FRMD4B: variants seen among roughly 807,000 people sequenced by gnomAD.
The protein encoded by FRMD4B is FERM domain-containing protein 4B.
A neutral mutation model predicts 141.5 loss-of-function variants in FRMD4B; 74 were observed. The observed-to-expected ratio is 0.52, with a 90% confidence interval of 0.43 to 0.63. The LOEUF (loss-of-function observed/expected upper bound fraction) is 0.63, where lower values mean the gene tolerates loss of function less well. FRMD4B is among the 30% of genes least tolerant of loss of function. FRMD4B has a pLI of 0.00. For missense variants in FRMD4B, 1,366 were observed against 1,253.4 expected, an observed-to-expected ratio of 1.09 and a Z score of -1.36; for synonymous variants, 506 against 467.9, an observed-to-expected ratio of 1.08 and a Z score of -1.05.
intron 1 of FRMD4B, among the ~76,000 whole-genome samples, chr3:69,316,923 G>A (rs1701819951): frequency 1.3e-5 from 2 of 152,064 alleles, no homozygotes; most frequent in African/African-American, 4.8e-5. Context: ...GGAGTTCAAG[G>A]CCAGCCTGGC....
intron 5 of FRMD4B, among the ~76,000 whole-genome samples, chr3:69,268,519 C>T (rs2093578752): frequency 2.0e-5 from 3 of 152,014 alleles, no homozygotes; most frequent in South Asian, 2.1e-4. Context: ...TGCTTAAACG[C>T]ACCCTGGCAC....
chr3:69,281,778 C>A lies in FRMD4B; in HGVS notation c.501+5974G>T, dbSNP rs376497303. ...GGCGGAGGTTGTAGTGAGCTGAGAT[C>A]GCACCACTGCACTCCAGCCTGGGTG... On this transcript the variant is annotated intron_variant, in intron 5 of 22. Coordinates refer to ENST00000398540, the MANE Select transcript of FRMD4B (RefSeq NM_015123.3). 2.1e-4 allele frequency among the ~76,000 whole-genome samples: 31 copies of A among 150,144 alleles called. No homozygotes were observed. The East Asian group carries it at 3.3e-3, about 16-fold the overall frequency.
intron 21 of FRMD4B, among the ~76,000 whole-genome samples, chr3:69,178,594 G>A (rs1200708596): frequency 6.6e-6 from 1 of 151,510 alleles, no homozygotes; most frequent in Non-Finnish European, 1.5e-5. Flanking sequence ...ATCGCGTTGA[G>A]CCAAGGAGTT....
intron 1 of FRMD4B, among the ~76,000 whole-genome samples, chr3:69,371,226 C>T (rs1303697280): frequency 6.6e-6 from 1 of 152,156 alleles, no homozygotes; most frequent in African/African-American, 2.4e-5. Flanking sequence ...TGGGCTACAA[C>T]TCTGAGGCTG....
intron 3 of FRMD4B, among the ~76,000 whole-genome samples, chr3:69,304,081 T>C (rs1701309014): frequency 1.5e-5 from 2 of 137,762 alleles, no homozygotes; most frequent in Non-Finnish European, 1.6e-5. Context: ...TTGGCTAAAG[T>C]GGGAGGATTG....
intron 12 of FRMD4B, among the ~76,000 whole-genome samples, 193 bp from the exon 13 acceptor site, chr3:69,197,231 T>G (rs945528129): frequency 9.2e-5 from 14 of 152,212 alleles, no homozygotes; most frequent in African/African-American, 3.4e-4. Flanking sequence ...AAGTAATCTC[T>G]TTCTGGATAA....
chr3:69,533,752 C>A (rs576807708), intron 1 of FRMD4B, among the ~76,000 whole-genome samples: 1 of 152,264 alleles, frequency 6.6e-6, no homozygotes, highest in East Asian at 1.9e-4. Context: ...CAGGCCCAAG[C>A]GCAGTACCAT....
chr3:69,233,004 G>C (rs556417833), intron 7 of FRMD4B, among the ~76,000 whole-genome samples: 7 of 146,744 alleles, frequency 4.8e-5, no homozygotes, highest in Non-Finnish European at 1.0e-4. Flanking sequence ...CTCCCATCTT[G>C]GCTTCTCAAA....
At chr3:69,445,831 C>T (rs1705403214) in intron 1 of FRMD4B, among the ~76,000 whole-genome samples, 1 of 152,130 alleles carries the variant, frequency 6.6e-6, no homozygotes. Flanking sequence ...TTATTCTCTA[C>T]TCCTGTTTAT....
chr3:69,487,748 T>A (rs1396587883), intron 1 of FRMD4B, among the ~76,000 whole-genome samples: 1 of 152,034 alleles, frequency 6.6e-6, no homozygotes, highest in Non-Finnish European at 1.5e-5. Flanking sequence ...GCAGTTGGAG[T>A]GCTAGCCACA....
At chr3:69,335,422 G>C (rs1263177343) in intron 1 of FRMD4B, among the ~76,000 whole-genome samples, 3 of 148,368 alleles carry the variant, frequency 2.0e-5, no homozygotes, top group Non-Finnish European at 4.4e-5. Context: ...GCCCAGGCTG[G>C]AGTGCAGTGG....
intron 1 of FRMD4B, among the ~76,000 whole-genome samples, chr3:69,470,136 T>C (rs1407999031): frequency 6.6e-6 from 1 of 152,246 alleles, no homozygotes; most frequent in Non-Finnish European, 1.5e-5. Context: ...TTATTTATGG[T>C]GGTAAATAAG....
intron 1 of FRMD4B, among the ~76,000 whole-genome samples, chr3:69,336,167 T>C (rs925352601): frequency 6.6e-6 from 1 of 152,058 alleles, no homozygotes; most frequent in African/African-American, 2.4e-5. Flanking sequence ...ACAAATGTGG[T>C]TGGAGGTTGG....
chr3:69,208,316 G>A (rs974697512), intron 11 of FRMD4B, among the ~76,000 whole-genome samples: 77 of 152,054 alleles, frequency 5.1e-4, no homozygotes, highest in African/African-American at 1.8e-3. Flanking sequence ...TACCCACCTC[G>A]GCCTCCCAAA....
intron 1 of FRMD4B, among the ~76,000 whole-genome samples, chr3:69,322,412 A>C (rs1329357566): frequency 6.6e-6 from 1 of 151,976 alleles, no homozygotes; most frequent in East Asian, 1.9e-4. Context: ...GACAGTGCCT[A>C]CCCTCCCAAT....
intron 1 of FRMD4B, among the ~76,000 whole-genome samples, chr3:69,514,141 T>C (rs533579508): frequency 1.3e-5 from 2 of 152,150 alleles, no homozygotes; most frequent in African/African-American, 4.8e-5. Flanking sequence ...ACAAATCTTA[T>C]ATGTAGATAA....
At chr3:69,325,085 A>AG (rs1553724232) in intron 1 of FRMD4B, among the ~76,000 whole-genome samples, 3 of 80,004 alleles carry the variant, frequency 3.7e-5, no homozygotes, top group African/African-American at 1.4e-4. Context: ...TAAAAAAAAA[A>AG]AAAGAAAGAA....
Position 69,363,248 on chromosome 3 carries a change from G to GTTTTTTTTT in FRMD4B, c.162+22571_162+22579dup, listed in dbSNP as rs56074743. On this transcript the variant is annotated intron_variant, in intron 1 of 22. Transcript: ENST00000398540. ...AAAAAGGATCACTTCTTTTTACCAT[G>GTTTTTTTTT]TTTTTTTTTTTTTTTTAAATAGAGA... Among the ~76,000 whole-genome samples, 293 of 132,676 alleles carry GTTTTTTTTT rather than the reference G, an allele frequency of 2.2e-3. 4 individuals carry two copies. The highest frequency in any genetic ancestry group is 7.6e-3 in the Middle Eastern group (2 of 264). 87.0% of individuals were successfully genotyped at this position (132,676 alleles called of 152,430 possible).
intron 1 of FRMD4B, among the ~76,000 whole-genome samples, chr3:69,455,767 T>A (rs1705593448): frequency 6.6e-6 from 1 of 152,218 alleles, no homozygotes; most frequent in South Asian, 2.1e-4. Context: ...ACTTTGTAAT[T>A]CCAATTTTTT....
Sources: gnomAD v4.1 joint callset for allele counts (sites outside exome capture counted in the v4.1 genomes callset) on GRCh38, gnomAD v4.1.1 for gene constraint, MANE v1.5 for transcripts, NCBI Gene and HGNC (gene_info 2026-07-23, HGNC 2026-07-21) for gene names.